The following RARB variants were observed in gnomAD, a reference collection of about 807,000 sequenced individuals.
RARB encodes retinoic acid receptor beta, also known as HBV-activated protein.
A neutral mutation model predicts 51.9 loss-of-function variants in RARB; 17 were observed. The observed-to-expected ratio is 0.33, with a 90% CI of 0.22 to 0.49. The LOEUF is 0.49. RARB is among the 20% of genes least tolerant of loss of function. RARB has a pLI of 0.99. For synonymous variants in RARB, 215 were observed against 195.4 expected (o/e 1.10, Z -0.84); for missense variants, 369 against 550.8 (o/e 0.67, Z 3.30).
At position 25,202,321 on chromosome 3, in the gene RARB, C is replaced by T. The variant is rs185477003; in HGVS notation, c.178+27746C>T. Among the ~76,000 whole-genome samples the T allele has an allele frequency of 3.0e-4, 45 of 152,082 alleles. No homozygotes were observed. The East Asian group carries it at 7.9e-3, about 27-fold the overall frequency. On this transcript the variant is annotated intron_variant, in intron 5 of 11. Transcript: ENST00000383772. Reference sequence around the variant, plus strand: ...TTCATTGCGTCTATTTGATTCTTCTCTCTTTTCTTCTTTATTAGTCTTCTT... The same window carrying T: ...TTCATTGCGTCTATTTGATTCTTCTTTCTTTTCTTCTTTATTAGTCTTCTT...
chr3:25,554,193 A>G (rs930241442), intron 3 of RARB, among the ~76,000 whole-genome samples: 1 of 150,400 alleles, frequency 6.6e-6, no homozygotes, highest in African/African-American at 2.5e-5. Context: ...ACTGCTGTGC[A>G]GAAAATAACA....
intron 2 of RARB, among the ~76,000 whole-genome samples, chr3:24,913,135 C>G (rs754656200): frequency 3.3e-5 from 5 of 151,616 alleles, no homozygotes; most frequent in Admixed American, 2.0e-4. Context: ...CACCCGCCAC[C>G]ACGCCCGGCT....
chr3:24,982,889 G>A (rs779000506), intron 2 of RARB, among the ~76,000 whole-genome samples: 2 of 152,176 alleles, frequency 1.3e-5, no homozygotes, highest in Non-Finnish European at 2.9e-5. Context: ...TAACACATAT[G>A]TCCTATGTCT....
At chr3:24,836,195 G>T (rs977117829) in intron 1 of RARB, among the ~76,000 whole-genome samples, 4 of 152,196 alleles carry the variant, frequency 2.6e-5, no homozygotes, top group Admixed American at 2.6e-4. Context: ...ACCAAGGAAT[G>T]AGCAAAGCAA....
chr3:25,593,150 TAG>T (rs1278753416), intron 5 of RARB, among the ~76,000 whole-genome samples: 2 of 151,982 alleles, frequency 1.3e-5, no homozygotes, highest in Non-Finnish European at 2.9e-5. Context: ...TCTTAAAAAA[TAG>T]AATCTTATTC....
At chr3:25,498,830 A>G (rs1168921184) in intron 2 of RARB, among the ~76,000 whole-genome samples, 1 of 152,190 alleles carries the variant, frequency 6.6e-6, no homozygotes, top group African/African-American at 2.4e-5. Flanking sequence ...GGTTTCTGTA[A>G]ACTGAGTTTC....
chr3:24,973,381 A>G (rs1005349408), intron 2 of RARB, among the ~76,000 whole-genome samples: 13 of 152,048 alleles, frequency 8.5e-5, no homozygotes, highest in African/African-American at 3.1e-4. Flanking sequence ...TTTGTAGTAT[A>G]TTTTGAAGTA....
At chr3:25,216,427 C>T (rs1006738403) in intron 5 of RARB, among the ~76,000 whole-genome samples, 3 of 152,178 alleles carry the variant, frequency 2.0e-5, no homozygotes, top group Admixed American at 2.0e-4. Context: ...GAGTTCGTAT[C>T]CTTTGCAGGG....
chr3:25,503,373 A>G (rs1398592465), intron 3 of RARB, among the ~76,000 whole-genome samples: 5 of 152,230 alleles, frequency 3.3e-5, no homozygotes, highest in African/African-American at 9.6e-5. Flanking sequence ...TCAGGCTGAA[A>G]TTATAAATGA....
At chr3:24,989,361 A>G (rs944128113) in intron 2 of RARB, among the ~76,000 whole-genome samples, 18 of 152,202 alleles carry the variant, frequency 1.2e-4, no homozygotes, top group Admixed American at 5.2e-4. Context: ...TCTCAGGTAA[A>G]TACTTGAAAG....
rs951336950 is a variant in RARB, at chr3:25,382,104, G to T, written c.179-79089G>T. 3.3e-4 allele frequency among the ~76,000 whole-genome samples: 50 copies of T among 152,112 alleles called. 1 individual carries two copies. The highest frequency in any genetic ancestry group is 4.8e-5 in the African/African-American group (2 of 41,440). On this transcript the variant is annotated intron_variant, in intron 5 of 11. Coordinates refer to the RARB transcript ENST00000383772. The stretch of plus-strand genomic sequence containing the variant: ...CTTTTTTTGGCCCCAGAAGGGAATT[G>T]CTTGTTTCTTTGGGCTCAAAGAGTA...
At chr3:24,865,678 A>C (rs768816361) in intron 2 of RARB, among the ~76,000 whole-genome samples, 1 of 152,180 alleles carries the variant, frequency 6.6e-6, no homozygotes, top group Non-Finnish European at 1.5e-5. Flanking sequence ...CTATGCTAAT[A>C]GTTCTTGTAC....
At chr3:25,570,006 AC>A in intron 4 of RARB, 88 bp downstream of exon 4, 1 of 1,419,590 alleles carries the variant, frequency 7.0e-7, no homozygotes, top group Non-Finnish European at 9.6e-7. Flanking sequence ...ACACACACAC[AC>A]ACACACACAC....
At chr3:24,960,970 G>C (rs1286855543) in intron 2 of RARB, among the ~76,000 whole-genome samples, 1 of 152,108 alleles carries the variant, frequency 6.6e-6, no homozygotes, top group Non-Finnish European at 1.5e-5. Context: ...GGGCCTGTGA[G>C]AGGGGCCTGT....
intron 2 of RARB, among the ~76,000 whole-genome samples, chr3:25,000,523 G>A (rs1697137632): frequency 6.6e-6 from 1 of 151,940 alleles, no homozygotes; most frequent in African/African-American, 2.4e-5. Flanking sequence ...GACCTGCGAG[G>A]CTGATTTTTA....
In RARB at chr3:25,201,826, G is replaced by A. The variant is rs575976748; in HGVS notation, c.178+27251G>A. 4.4e-3 allele frequency among the ~76,000 whole-genome samples: 673 copies of A among 152,148 alleles called. 8 individuals are homozygous for A. Among genetic ancestry groups the A allele is most frequent in the African/African-American group, 0.015 (629 of 41,482 alleles). ...AGCTTTTTGATGTGCTGCTGGATTT[G>A]GTTTGCCAGTATTTTACTGAGGATT... On this transcript the variant is annotated intron_variant, in intron 5 of 11. Coordinates refer to the RARB transcript ENST00000383772.
At chr3:25,411,106 G>A (rs1707550220) in intron 5 of RARB, among the ~76,000 whole-genome samples, 1 of 152,088 alleles carries the variant, frequency 6.6e-6, no homozygotes, top group Admixed American at 6.6e-5. Flanking sequence ...CATAGATAAT[G>A]TAATCTACCT....
chr3:25,408,271 A>T (rs1220225136), intron 5 of RARB, among the ~76,000 whole-genome samples: 1 of 152,156 alleles, frequency 6.6e-6, no homozygotes, highest in African/African-American at 2.4e-5. Context: ...GGTAATTTAT[A>T]CAGAAAAGAG....
chr3:24,858,548 G>A (rs954418862), intron 1 of RARB: 2 of 152,138 alleles, frequency 1.3e-5, no homozygotes, highest in African/African-American at 4.8e-5. Flanking sequence ...ATTTCAAGAC[G>A]GTTAACTATG....
Sources: gnomAD v4.1 joint callset for allele counts (sites outside exome capture counted in the v4.1 genomes callset) on GRCh38, gnomAD v4.1.1 for gene constraint, MANE v1.5 for transcripts, NCBI Gene and HGNC (gene_info 2026-07-23, HGNC 2026-07-21) for gene names.